The following WDR41 variants were observed in gnomAD, a reference collection of about 807,000 sequenced individuals.
WDR41 encodes WD repeat-containing protein 41.
Under a neutral mutation model 69.3 loss-of-function variants are expected in WDR41, and 63 were observed. That is an observed-to-expected ratio of 0.91 (90% CI 0.74 to 1.12). WDR41 has a LOEUF of 1.12. WDR41 is among the 50% of genes most tolerant of loss of function. WDR41 has a pLI of 0.00. For missense variants in WDR41, 543 were observed against 534.5 expected, an observed-to-expected ratio of 1.02 and a Z score of -0.16; for synonymous variants, 185 against 192.1, an observed-to-expected ratio of 0.96 and a Z score of 0.31.
intron 4 of WDR41, among the ~76,000 whole-genome samples, chr5:77,461,190 T>C (rs986226701): frequency 6.6e-6 from 1 of 152,224 alleles, no homozygotes; most frequent in Admixed American, 6.5e-5. Context: ...CTTTATCCCA[T>C]ATTTGCCTCT....
chr5:77,524,598 A>G (rs1442369869), intron 1 of WDR41, among the ~76,000 whole-genome samples: 1 of 134,154 alleles, frequency 7.5e-6, no homozygotes, highest in African/African-American at 3.0e-5. Context: ...TCTCCAAATA[A>G]ATAGATAAGA....
intron 1 of WDR41, among the ~76,000 whole-genome samples, chr5:77,538,374 G>A (rs1180601635): frequency 6.6e-6 from 1 of 152,122 alleles, no homozygotes; most frequent in Non-Finnish European, 1.5e-5. Flanking sequence ...ACTGAGGTTT[G>A]GGGTACAAAT....
At chr5:77,570,963 G>GT (rs1279100460) in intron 1 of WDR41, among the ~76,000 whole-genome samples, 2 of 151,108 alleles carry the variant, frequency 1.3e-5, no homozygotes, top group African/African-American at 4.9e-5. Flanking sequence ...CTAAAACTCA[G>GT]TTCACAGTGT....
intron 1 of WDR41, among the ~76,000 whole-genome samples, chr5:77,527,817 A>G: frequency 6.6e-6 from 1 of 151,834 alleles, no homozygotes. Flanking sequence ...TGTGGAAAAT[A>G]AGAAATCTAC....
At chr5:77,540,727 G>A in intron 1 of WDR41, among the ~76,000 whole-genome samples, 1 of 82,232 alleles carries the variant, frequency 1.2e-5, no homozygotes, top group Non-Finnish European at 3.5e-5. Context: ...AGAATGTAGG[G>A]AGGGAGGGAG....
At chr5:77,433,341 T>TAATA in intron 12 of WDR41, 54 bp from the exon 13 acceptor site, 2 of 1,534,564 alleles carry the variant, frequency 1.3e-6, no homozygotes, top group East Asian at 2.3e-5. Context: ...GAGAAGTGTC[T>TAATA]AATACCACAT....
At chr5:77,434,556 T>C (rs898735585) in intron 12 of WDR41, among the ~76,000 whole-genome samples, 2 of 151,330 alleles carry the variant, frequency 1.3e-5, no homozygotes, top group Non-Finnish European at 2.9e-5. Context: ...AGTACAAAAA[T>C]TAGCTGGGCG....
chr5:77,460,580 T>G (rs1378891304), intron 4 of WDR41, among the ~76,000 whole-genome samples: 1 of 152,226 alleles, frequency 6.6e-6, no homozygotes, highest in African/African-American at 2.4e-5. Context: ...TCCAAAATGC[T>G]TAAGACCAGA....
intron 1 of WDR41, chr5:77,582,960 T>C (rs781635239): frequency 1.2e-6 from 2 of 1,608,316 alleles, no homozygotes; most frequent in Non-Finnish European, 1.7e-6. Context: ...ATGAGATCTA[T>C]ACTGTTGGAA....
chr5:77,513,106 T>C (rs1223258555), intron 1 of WDR41, among the ~76,000 whole-genome samples: 4 of 152,222 alleles, frequency 2.6e-5, no homozygotes, highest in African/African-American at 2.4e-5. Flanking sequence ...ACATATATGG[T>C]TTTGTTTCAC....
intron 1 of WDR41, among the ~76,000 whole-genome samples, chr5:77,578,319 A>G (rs1038329932): frequency 3.3e-5 from 5 of 152,196 alleles, no homozygotes; most frequent in African/African-American, 1.2e-4. Context: ...ATTCACTAAA[A>G]TATACCAGTG....
chr5:77,536,705 A>G (rs1742990004), intron 1 of WDR41, among the ~76,000 whole-genome samples: 1 of 152,178 alleles, frequency 6.6e-6, no homozygotes, highest in South Asian at 2.1e-4. Flanking sequence ...TATATTATTC[A>G]GAAGAGTCAC....
chr5:77,481,535 C>T (rs1364944036), intron 2 of WDR41, among the ~76,000 whole-genome samples: 1 of 151,940 alleles, frequency 6.6e-6, no homozygotes, highest in Non-Finnish European at 1.5e-5. Flanking sequence ...ACCTGTAATC[C>T]CAGCACTTTG....
upstream of WDR41, among the ~76,000 whole-genome samples, chr5:77,493,459 AAGAG>A (rs1327111546): frequency 6.6e-6 from 1 of 152,140 alleles, no homozygotes; most frequent in Admixed American, 6.5e-5. Flanking sequence ...AGTCACCAAT[AAGAG>A]AGAGCCATAC....
At chr5:77,447,127 C>T (rs1489741081) in intron 8 of WDR41, among the ~76,000 whole-genome samples, 1 of 151,856 alleles carries the variant, frequency 6.6e-6, no homozygotes, top group Non-Finnish European at 1.5e-5. Context: ...AGGCACTTCT[C>T]AAGACATTTA....
chr5:77,589,742 T>G (rs1744102912), intron 1 of WDR41, among the ~76,000 whole-genome samples: 1 of 152,190 alleles, frequency 6.6e-6, no homozygotes, highest in Non-Finnish European at 1.5e-5. Context: ...CTTCTAAAAT[T>G]TTATACATAC....
At chr5:77,476,210 A>G (rs1365738864) in intron 2 of WDR41, among the ~76,000 whole-genome samples, 1 of 152,218 alleles carries the variant, frequency 6.6e-6, no homozygotes, top group Non-Finnish European at 1.5e-5. Context: ...GTGTAACTGA[A>G]AGTGACAGGA....
intron 1 of WDR41, among the ~76,000 whole-genome samples, chr5:77,597,120 CA>C (rs567691876): frequency 1.3e-4 from 18 of 134,654 alleles, no homozygotes; most frequent in Admixed American, 2.3e-4. Flanking sequence ...GAGATCCTGT[CA>C]AAAAAAAAAG....
chr5:77,593,631 T>C (rs1477045678), intron 1 of WDR41, among the ~76,000 whole-genome samples: 6 of 152,184 alleles, frequency 3.9e-5, no homozygotes, highest in Non-Finnish European at 7.4e-5. Flanking sequence ...CATTCATCCA[T>C]GTATAATATG....
Sources: gnomAD v4.1 joint callset for allele counts (sites outside exome capture counted in the v4.1 genomes callset) on GRCh38, gnomAD v4.1.1 for gene constraint, MANE v1.5 for transcripts, NCBI Gene and HGNC (gene_info 2026-07-23, HGNC 2026-07-21) for gene names.